The following TAFA2 variants were observed in gnomAD, a reference collection of about 807,000 sequenced individuals.
The protein encoded by TAFA2 is chemokine-like protein TAFA-2.
Under a neutral mutation model 18.8 loss-of-function variants are expected in TAFA2, and 7 were observed. The observed-to-expected ratio is 0.37, with a 90% CI of 0.21 to 0.70. The LOEUF is 0.70. Ranked by LOEUF, TAFA2 falls within the 30% of genes least tolerant of loss-of-function variation. The pLI is 0.53. For synonymous variants in TAFA2, 60 were observed against 54.2 expected, an observed-to-expected ratio of 1.11 and a Z score of -0.47; for missense variants, 122 against 158.1, an observed-to-expected ratio of 0.77 and a Z score of 1.23.
intron 1 of TAFA2, among the ~76,000 whole-genome samples, chr12:62,072,782 T>A (rs1444447466): frequency 6.6e-6 from 1 of 152,096 alleles, no homozygotes; most frequent in African/African-American, 2.4e-5. Flanking sequence ...TGAGACCTTG[T>A]CTAAAATAAA....
chr12:61,882,190 G>A (rs1875175809), intron 1 of TAFA2, among the ~76,000 whole-genome samples: 1 of 152,152 alleles, frequency 6.6e-6, no homozygotes, highest in South Asian at 2.1e-4. Context: ...TTCTTGAAAG[G>A]ACAGGATCTG....
chr12:61,747,201 A>C (rs1272540882), intron 4 of TAFA2, among the ~76,000 whole-genome samples: 1 of 151,802 alleles, frequency 6.6e-6, no homozygotes, highest in Non-Finnish European at 1.5e-5. Flanking sequence ...CGATCATTAA[A>C]AAGTCAGGAA....
At chr12:61,962,081 G>C (rs1216977926) in intron 1 of TAFA2, among the ~76,000 whole-genome samples, 2 of 151,924 alleles carry the variant, frequency 1.3e-5, no homozygotes, top group Non-Finnish European at 2.9e-5. Context: ...TTTACATTAA[G>C]GCCAACAAAA....
chr12:62,038,565 A>C (rs1000120901), intron 1 of TAFA2, among the ~76,000 whole-genome samples: 1 of 152,206 alleles, frequency 6.6e-6, no homozygotes. Flanking sequence ...ACAGTTTTAC[A>C]TAAGGAACTT....
chr12:61,859,371 C>T (rs1874022511), intron 2 of TAFA2, among the ~76,000 whole-genome samples: 1 of 152,142 alleles, frequency 6.6e-6, no homozygotes, highest in Non-Finnish European at 1.5e-5. Context: ...TTATCCCCAC[C>T]CAATTCAAGG....
At chr12:61,876,631 T>C (rs1169464310) in intron 1 of TAFA2, among the ~76,000 whole-genome samples, 2 of 152,058 alleles carry the variant, frequency 1.3e-5, no homozygotes, top group African/African-American at 4.8e-5. Context: ...TCTGCTCATA[T>C]AACCATCCCT....
At chr12:62,091,507 C>G (rs1044883316) in intron 1 of TAFA2, among the ~76,000 whole-genome samples, 4 of 151,894 alleles carry the variant, frequency 2.6e-5, no homozygotes, top group African/African-American at 9.7e-5. Context: ...ACTTTACAAT[C>G]TTGTTATCAC....
chr12:61,731,555 A>C (rs2120653716), intron 4 of TAFA2, among the ~76,000 whole-genome samples: 1 of 152,054 alleles, frequency 6.6e-6, no homozygotes, highest in South Asian at 2.1e-4. Context: ...GAATCCTGAA[A>C]CCCTGCTCAT....
chr12:61,729,790 T>C (rs974858099), intron 4 of TAFA2, among the ~76,000 whole-genome samples: 4 of 152,226 alleles, frequency 2.6e-5, no homozygotes, highest in African/African-American at 9.6e-5. Context: ...GAGGGTGTTA[T>C]GGAACCTTAT....
At chr12:61,874,268 C>T (rs991151823) in intron 1 of TAFA2, among the ~76,000 whole-genome samples, 1 of 152,130 alleles carries the variant, frequency 6.6e-6, no homozygotes, top group Non-Finnish European at 1.5e-5. Context: ...AACTTCAAAA[C>T]ACAGACTTTG....
intron 1 of TAFA2, among the ~76,000 whole-genome samples, chr12:62,075,505 C>G (rs932068872): frequency 1.3e-5 from 2 of 152,178 alleles, no homozygotes; most frequent in Admixed American, 6.5e-5. Flanking sequence ...ACTCTCTCCC[C>G]CTTCTCACAG....
chr12:62,140,003 T>A (rs1043262953), intron 1 of TAFA2: 1 of 152,172 alleles, frequency 6.6e-6, no homozygotes, highest in Non-Finnish European at 1.5e-5. Flanking sequence ...CATTTATTAT[T>A]GTTTTTTGTA....
chr12:62,225,685 T>C (rs989720555), intron 1 of TAFA2, among the ~76,000 whole-genome samples: 3 of 152,174 alleles, frequency 2.0e-5, no homozygotes, highest in African/African-American at 7.2e-5. Context: ...AGACATTTTA[T>C]AGAAAAGGAC....
chr12:61,889,626 AATTC>A (rs1875539649), intron 1 of TAFA2, among the ~76,000 whole-genome samples: 1 of 152,218 alleles, frequency 6.6e-6, no homozygotes, highest in South Asian at 2.1e-4. Context: ...CAAACTTTTA[AATTC>A]ATTAATAGAA....
chr12:61,998,871 C>A (rs1374975675), intron 1 of TAFA2, among the ~76,000 whole-genome samples: 1 of 152,216 alleles, frequency 6.6e-6, no homozygotes, highest in Non-Finnish European at 1.5e-5. Context: ...AACATCTGAT[C>A]CTGCCAAACA....
intron 4 of TAFA2, among the ~76,000 whole-genome samples, chr12:61,735,915 T>G (rs1868296253): frequency 6.6e-6 from 1 of 152,038 alleles, no homozygotes; most frequent in Non-Finnish European, 1.5e-5. Context: ...AAGAATTACA[T>G]TTGCTTTTGC....
intron 1 of TAFA2, among the ~76,000 whole-genome samples, chr12:61,898,564 C>T (rs1413742847): frequency 1.3e-5 from 2 of 152,170 alleles, no homozygotes; most frequent in Admixed American, 6.5e-5. Flanking sequence ...GGGCTTCCAC[C>T]CCATGAAGCA....
chr12:62,021,336 A>G (rs1306053850), intron 1 of TAFA2, among the ~76,000 whole-genome samples: 1 of 152,066 alleles, frequency 6.6e-6, no homozygotes, highest in Non-Finnish European at 1.5e-5. Context: ...GGTTACATGA[A>G]TAAGTTCTTT....
intron 2 of TAFA2, among the ~76,000 whole-genome samples, chr12:61,864,849 G>C (rs1874285645): frequency 1.3e-5 from 2 of 150,748 alleles, no homozygotes; most frequent in Non-Finnish European, 1.5e-5. Context: ...ATGCTCTTTA[G>C]TGCTGTTGAG....
Sources: gnomAD v4.1 joint callset for allele counts (sites outside exome capture counted in the v4.1 genomes callset) on GRCh38, gnomAD v4.1.1 for gene constraint, MANE v1.5 for transcripts, NCBI Gene and HGNC (gene_info 2026-07-23, HGNC 2026-07-21) for gene names.